The following NINL variants were observed in gnomAD, a reference collection of about 807,000 sequenced individuals.
NINL encodes the protein ninein like.
A neutral mutation model predicts 160.3 loss-of-function variants in NINL; 153 were observed. That is an observed-to-expected ratio of 0.95 (90% confidence interval 0.84 to 1.09). NINL has a LOEUF of 1.09. Ranked by LOEUF, NINL falls within the 50% of genes least tolerant of loss-of-function variation. The pLI is 0.00. For synonymous variants in NINL, 800 were observed against 734.8 expected (o/e 1.09, Z -1.43); for missense variants, 1,829 against 1,764.0 (o/e 1.04, Z -0.66).
intron 2 of NINL, among the ~76,000 whole-genome samples, chr20:25,519,744 C>T (rs1012047248): frequency 2.0e-5 from 3 of 151,846 alleles, no homozygotes; most frequent in African/African-American, 7.3e-5. Flanking sequence ...TGGCCGGGTG[C>T]GGTGGCTCTT....
chr20:25,532,307 C>T (rs1380800859), intron 1 of NINL, among the ~76,000 whole-genome samples: 4 of 152,200 alleles, frequency 2.6e-5, no homozygotes, highest in African/African-American at 9.6e-5. Context: ...CTAGGATTTC[C>T]AGAAGAGGGA....
intron 22 of NINL, 121 bp downstream of exon 22, chr20:25,458,262 C>T (rs2146293952): frequency 7.7e-7 from 1 of 1,302,038 alleles, no homozygotes; most frequent in East Asian, 2.3e-5. Flanking sequence ...TACCATCTGA[C>T]ATGCTACATA....
At chr20:25,563,813 T>C (rs1040136866) in intron 1 of NINL, among the ~76,000 whole-genome samples, 1 of 152,184 alleles carries the variant, frequency 6.6e-6, no homozygotes, top group African/African-American at 2.4e-5. Flanking sequence ...TACAAGTCCA[T>C]TTGCCAAGAA....
intron 21 of NINL, among the ~76,000 whole-genome samples, chr20:25,459,158 C>T (rs1276358145): frequency 6.6e-6 from 1 of 152,236 alleles, no homozygotes; most frequent in Non-Finnish European, 1.5e-5. Flanking sequence ...CCTATAAGAA[C>T]TGGCCACGCC....
rs771429558 is a variant in NINL at position 25,476,604 on chromosome 20, G to A, written c.2687C>T (p.Ala896Val). The change falls in exon 17 of 24, where the codon GCC becomes GTC. Residue 896 changes from alanine (A) to valine (V), a missense_variant. Coordinates refer to ENST00000278886, the MANE Select transcript of NINL (RefSeq NM_025176.6). ...CTCTGAGGGGCCGTGGGATGCCGGG[G>A]CAGGGGCGGGGGCCGGGCTCTGCGT... is the stretch of plus-strand genomic sequence containing the variant. ...EATQSPAPAP[A>V]PASHGPSERW... 4 of 1,597,160 alleles carry A rather than the reference G, an allele frequency of 2.5e-6. No homozygotes were observed. The highest frequency in any genetic ancestry group is 3.4e-6 in the Non-Finnish European group (4 of 1,178,734).
intron 19 of NINL, among the ~76,000 whole-genome samples, chr20:25,464,915 C>G (rs777512597): frequency 5.1e-4 from 77 of 152,340 alleles, no homozygotes; most frequent in Non-Finnish European, 1.0e-3. Context: ...TGGGCAGACA[C>G]TGTGCAGGGA....
chr20:25,474,098 C>A (rs1274299955), intron 17 of NINL, among the ~76,000 whole-genome samples: 1 of 152,132 alleles, frequency 6.6e-6, no homozygotes, highest in Non-Finnish European at 1.5e-5. Context: ...CCAGAGGAAC[C>A]CAACGTAATC....
At chr20:25,512,804 C>A in intron 4 of NINL, 30 bp downstream of exon 4, 2 of 1,581,306 alleles carry the variant, frequency 1.3e-6, no homozygotes, top group Non-Finnish European at 1.7e-6. Flanking sequence ...CAACACTGGG[C>A]AGCTGGGGTG....
intron 1 of NINL, among the ~76,000 whole-genome samples, chr20:25,545,231 G>A (rs187899310): frequency 1.8e-4 from 28 of 152,298 alleles, no homozygotes; most frequent in Admixed American, 1.3e-3. Context: ...TACATTTTAC[G>A]TAAGATAAGG....
intron 22 of NINL, 85 bp from the exon 23 acceptor site, chr20:25,455,871 T>G (rs1600971482): frequency 3.9e-6 from 4 of 1,023,640 alleles, no homozygotes; most frequent in Non-Finnish European, 6.1e-6. Flanking sequence ...GGCGGGCGGA[T>G]CACCTGAGGT....
intron 1 of NINL, among the ~76,000 whole-genome samples, chr20:25,533,632 G>T (rs1024460454): frequency 9.9e-5 from 15 of 152,152 alleles, no homozygotes; most frequent in African/African-American, 3.4e-4. Context: ...CAACCCCCAT[G>T]CATACAAATG....
At chr20:25,500,508 T>C (rs1017289004) in intron 8 of NINL, among the ~76,000 whole-genome samples, 8 of 152,196 alleles carry the variant, frequency 5.3e-5, no homozygotes, top group Non-Finnish European at 8.8e-5. Context: ...GAAATCGTCA[T>C]CATCACAACA....
At chr20:25,556,524 C>T (rs1340878980) in intron 1 of NINL, among the ~76,000 whole-genome samples, 1 of 152,022 alleles carries the variant, frequency 6.6e-6, no homozygotes, top group Non-Finnish European at 1.5e-5. Context: ...ACTTGGGAGA[C>T]TGAGGTGGGA....
intron 11 of NINL, among the ~76,000 whole-genome samples, chr20:25,490,546 C>T (rs1256865746): frequency 2.3e-5 from 3 of 131,060 alleles, no homozygotes; most frequent in Admixed American, 1.8e-4. Flanking sequence ...GGCGACAGAG[C>T]GAGACTCCAT....
intron 22 of NINL, 147 bp from the exon 23 acceptor site, chr20:25,455,933 A>G (rs2090662753): frequency 2.5e-5 from 16 of 642,814 alleles, no homozygotes. Flanking sequence ...TCTCTACTAA[A>G]AAAAATAGAA....
At position 25,585,132 on chromosome 20, in the gene NINL, G is replaced by C. The variant is rs534432757; in HGVS notation, c.-12+323C>G. ...CGGCCAAGGCCGCCCGCCTCAGGCC[G>C]AGCCTTGGGGCTGTGCTGGACCCGG... On this transcript the variant is annotated intron_variant, in intron 1 of 23. Coordinates refer to ENST00000278886, the MANE Select transcript of NINL (RefSeq NM_025176.6). Among the ~76,000 whole-genome samples, 15 of 152,266 alleles carry C rather than the reference G, an allele frequency of 9.9e-5. No homozygotes were observed. The East Asian group carries it at 2.9e-3, about 30-fold the overall frequency.
intron 22 of NINL, among the ~76,000 whole-genome samples, chr20:25,456,714 T>C (rs1271095336): frequency 6.6e-6 from 1 of 150,860 alleles, no homozygotes; most frequent in Non-Finnish European, 1.5e-5. Flanking sequence ...GTAGATCACC[T>C]GAGGTCAGGA....
At position 25,504,996 on chromosome 20, in the gene NINL, C is replaced by A. The variant is rs1717110997; in HGVS notation, c.600G>T (p.Gln200His). The change falls in exon 6 of 24, where the codon CAG becomes CAT. Residue 200 changes from glutamine to histidine, a missense_variant. Physicochemically the swap from Gln to His is conservative, Grantham distance 24. Transcript: ENST00000278886. ...CSPSFDTPES[Q>H]IRGVWEELGV... is the part of the protein sequence containing the mutation. ...CCAGCTCTTCCCACACGCCCCGGAT[C>A]TGGCTCTCTGGGGTGTCAAAGGAGG... The A allele has an allele frequency of 6.2e-7, 1 of 1,613,840 alleles. No homozygotes were observed. Among genetic ancestry groups the A allele is most frequent in the Admixed American group, 1.7e-5 (1 of 59,968 alleles).
Position 25,476,601 on chromosome 20 carries a change from G to A in NINL, c.2690C>T (p.Pro897Leu), listed in dbSNP as rs201894527. Residue 897 changes from proline (P) to leucine (L), a missense_variant, in exon 17 of 24, where the codon CCG (proline) becomes CTG (leucine). Coordinates refer to ENST00000278886, the MANE Select transcript of NINL (RefSeq NM_025176.6). ...CCTCTCTGAGGGGCCGTGGGATGCC[G>A]GGGCAGGGGCGGGGGCCGGGCTCTG... ...ATQSPAPAPA[P>L]ASHGPSERWS... The A allele has an allele frequency of 4.2e-5, 67 of 1,597,596 alleles. 1 individual carries two copies. In the East Asian group the frequency reaches 1.4e-3, roughly 33 times the overall value.
Sources: allele counts gnomAD v4.1 joint callset (sites outside exome capture counted in the v4.1 genomes callset), GRCh38; gene constraint gnomAD v4.1.1; transcripts MANE v1.5; gene names NCBI Gene and HGNC (gene_info 2026-07-23, HGNC 2026-07-21).